SORCS3: variants seen among roughly 807,000 people sequenced by gnomAD.
The protein encoded by SORCS3 is sortilin related VPS10 domain containing receptor 3.
Under a neutral mutation model 146.3 loss-of-function variants are expected in SORCS3, and 57 were observed. The ratio of observed to expected loss-of-function variants is 0.39; its 90% CI spans 0.31 to 0.49. The LOEUF is 0.49. SORCS3 is among the 20% of genes least tolerant of loss of function. The pLI is 0.92. For missense variants in SORCS3, 1,341 were observed against 1,575.5 expected (o/e 0.85, Z 2.52); for synonymous variants, 653 against 618.5 (o/e 1.06, Z -0.83).
chr10:104,794,237 G>A (rs887611774), intron 1 of SORCS3, among the ~76,000 whole-genome samples: 10 of 152,120 alleles, frequency 6.6e-5, no homozygotes, highest in African/African-American at 1.9e-4. Context: ...GTCAGGCCTC[G>A]TGTCCAGGTT....
chr10:104,641,715 A>C lies in SORCS3; in HGVS notation c.388A>C (p.Arg130=). ...PAPAKLGGAR[R]SRRAQPPITQ... ...TCCTGCCAAGCTTGGCGGCGCGAGG[A>C]GGAGTCGCCGGGCGCAGCCCCCAAT... is the stretch of plus-strand genomic sequence containing the variant. The change falls in exon 1 of 27, where the codon AGG becomes CGG. Residue 130 remains arginine, a synonymous_variant. Transcript: ENST00000369701. The surrounding 1 kb of genome is among the most constrained non-coding windows in gnomAD (Gnocchi z 6.4). The C allele has an allele frequency of 6.5e-7, 1 of 1,541,274 alleles. No homozygotes were observed. The highest frequency in any genetic ancestry group is 1.2e-5 in the South Asian group (1 of 83,542).
chr10:104,977,803 C>T (rs2054909668), intron 4 of SORCS3, among the ~76,000 whole-genome samples: 1 of 145,280 alleles, frequency 6.9e-6, no homozygotes, highest in Non-Finnish European at 1.5e-5. Context: ...GCGATCTTGG[C>T]TCACTGTAAC....
At chr10:104,936,998 G>T (rs7075231) in intron 3 of SORCS3, among the ~76,000 whole-genome samples, 20 of 152,006 alleles carry the variant, frequency 1.3e-4, no homozygotes, top group African/African-American at 3.6e-4. Context: ...TTGGTACCAG[G>T]GACCAGTTTT....
intron 4 of SORCS3, among the ~76,000 whole-genome samples, chr10:104,993,642 T>A (rs991949916): frequency 1.2e-4 from 18 of 152,238 alleles, no homozygotes; most frequent in African/African-American, 4.3e-4. Context: ...CAGGCATAGA[T>A]GGTCTCTTGA....
Position 104,649,705 on chromosome 10 carries a change from G to A in SORCS3, c.627+7751G>A, listed in dbSNP as rs564466945. Among the ~76,000 whole-genome samples the A allele has an allele frequency of 7.2e-5, 11 of 152,270 alleles. 1 individual carries two copies. The highest frequency in any genetic ancestry group is 1.5e-5 in the Non-Finnish European group (1 of 68,028). ...AAAAGGATCTAGAAGTGAATGACTG[G>A]GGACCTGTATTCTTGAAATTCATAC... On this transcript the variant is annotated intron_variant, in intron 1 of 26. Coordinates refer to ENST00000369701, the MANE Select transcript of SORCS3 (RefSeq NM_014978.3).
At chr10:104,768,968 T>A (rs2017214945) in intron 1 of SORCS3, among the ~76,000 whole-genome samples, 1 of 152,102 alleles carries the variant, frequency 6.6e-6, no homozygotes, top group African/African-American at 2.4e-5. Flanking sequence ...AGAGAGTAGC[T>A]CCACTTTCCA....
intron 1 of SORCS3, among the ~76,000 whole-genome samples, chr10:104,643,716 G>C (rs2015457418): frequency 6.7e-6 from 1 of 149,720 alleles, no homozygotes; most frequent in South Asian, 2.1e-4. Context: ...TAGGGTGTGT[G>C]TGTGTGTGTG....
chr10:104,837,839 A>G (rs144336417), intron 1 of SORCS3, among the ~76,000 whole-genome samples: 7 of 152,266 alleles, frequency 4.6e-5, no homozygotes, highest in Non-Finnish European at 1.0e-4. Flanking sequence ...ATTCCTATTC[A>G]TTGCCTTGCA....
chr10:105,254,955 G>A (rs946935356), intron 23 of SORCS3, among the ~76,000 whole-genome samples: 24 of 152,046 alleles, frequency 1.6e-4, no homozygotes, highest in Admixed American at 1.5e-3. Context: ...TTGGGAGGCC[G>A]AGGTGGGCGG....
At chr10:104,939,988 T>C (rs1352770052) in intron 3 of SORCS3, among the ~76,000 whole-genome samples, 2 of 151,558 alleles carry the variant, frequency 1.3e-5, no homozygotes, top group Non-Finnish European at 2.9e-5. Flanking sequence ...AGAAATAATT[T>C]TGGGGTGAGT....
At chr10:105,031,462 A>C (rs1352273956) in intron 4 of SORCS3, among the ~76,000 whole-genome samples, 6 of 152,174 alleles carry the variant, frequency 3.9e-5, no homozygotes, top group Admixed American at 2.6e-4. Context: ...ATGAAGAATC[A>C]AAAATTATAT....
At chr10:105,190,212 G>A (rs2119591250) in intron 14 of SORCS3, among the ~76,000 whole-genome samples, 1 of 152,300 alleles carries the variant, frequency 6.6e-6, no homozygotes, top group Non-Finnish European at 1.5e-5. Context: ...AATGGTTGCT[G>A]CAAATGCCTA....
chr10:105,001,427 T>C (rs190515955), intron 4 of SORCS3, among the ~76,000 whole-genome samples: 97 of 152,346 alleles, frequency 6.4e-4, no homozygotes, highest in Non-Finnish European at 1.2e-3. Flanking sequence ...TGTGTCTAAG[T>C]GGTTCTTTGA....
At chr10:104,697,302 A>G (rs1043495373) in intron 1 of SORCS3, among the ~76,000 whole-genome samples, 3 of 152,192 alleles carry the variant, frequency 2.0e-5, no homozygotes, top group Non-Finnish European at 4.4e-5. Flanking sequence ...TTGGATGCAC[A>G]GTAGGTGTGG....
intron 4 of SORCS3, among the ~76,000 whole-genome samples, chr10:105,024,263 A>G (rs790638): frequency 0.88 from 134,260 of 152,162 alleles, 59,613 homozygotes; most frequent in East Asian, 0.98. Context: ...TGCTTTTGTG[A>G]GTGTCCTTAC....
intron 2 of SORCS3, among the ~76,000 whole-genome samples, chr10:104,879,219 T>C (rs2018607471): frequency 1.3e-5 from 2 of 152,354 alleles, no homozygotes. Flanking sequence ...CAAGTCTCAC[T>C]GGGATAAAAT....
intron 1 of SORCS3, among the ~76,000 whole-genome samples, chr10:104,783,177 G>A (rs913060837): frequency 7.2e-5 from 11 of 152,050 alleles, no homozygotes; most frequent in Non-Finnish European, 1.5e-4. Flanking sequence ...CCATATGTGC[G>A]GATTGTGATG....
chr10:104,792,145 T>C (rs1210940674), intron 1 of SORCS3, among the ~76,000 whole-genome samples: 1 of 152,172 alleles, frequency 6.6e-6, no homozygotes, highest in African/African-American at 2.4e-5. Context: ...CCTGGGCCAG[T>C]GTCTACCTTC....
At chr10:105,003,693 C>G (rs2055075231) in intron 4 of SORCS3, among the ~76,000 whole-genome samples, 2 of 152,146 alleles carry the variant, frequency 1.3e-5, no homozygotes, top group Non-Finnish European at 2.9e-5. Context: ...CGTGTTGAAG[C>G]AGGGAACTTG....
Sources: allele counts gnomAD v4.1 joint callset (sites outside exome capture counted in the v4.1 genomes callset), GRCh38; gene constraint gnomAD v4.1.1; non-coding constraint Gnocchi (gnomAD v3.1); transcripts MANE v1.5; gene names NCBI Gene and HGNC (gene_info 2026-07-23, HGNC 2026-07-21).